The following CLMN variants were observed in gnomAD, a reference collection of about 807,000 sequenced individuals.
The protein encoded by CLMN is calmin, also known as calmin (calponin-like, transmembrane).
In CLMN, 57 loss-of-function variants were observed where a neutral mutation model predicts 92.7. That is an observed-to-expected ratio of 0.61 (90% CI 0.50 to 0.77). The LOEUF (loss-of-function observed/expected upper bound fraction) is 0.77, where lower values mean the gene tolerates loss of function less well. Among genes scored for constraint, CLMN ranks in the 30% least tolerant of loss-of-function variants. The pLI is 0.00. For missense variants in CLMN, 1,158 were observed against 1,237.5 expected, an observed-to-expected ratio of 0.94 and a Z score of 0.96; for synonymous variants, 466 against 470.6, an observed-to-expected ratio of 0.99 and a Z score of 0.13.
intron 1 of CLMN, among the ~76,000 whole-genome samples, chr14:95,296,662 C>T (rs1173478199): frequency 6.6e-6 from 1 of 152,160 alleles, no homozygotes; most frequent in Non-Finnish European, 1.5e-5. Flanking sequence ...TGTCACGCTG[C>T]CTGAAATGTT....
intron 1 of CLMN, among the ~76,000 whole-genome samples, chr14:95,311,276 A>G (rs956185440): frequency 6.6e-6 from 1 of 152,232 alleles, no homozygotes; most frequent in South Asian, 2.1e-4. Flanking sequence ...AGTATGTCAT[A>G]CCATAGAGGA....
rs149333283 is a variant in CLMN at position 95,270,770 on chromosome 14, T to G, written c.83-40637A>C. 3.4e-3 allele frequency among the ~76,000 whole-genome samples: 519 copies of G among 152,350 alleles called. 1 individual carries two copies. Among genetic ancestry groups the G allele is most frequent in the African/African-American group, 0.012 (492 of 41,578 alleles). ...CATGAATAATTCTGCCATGCTGCTA[T>G]AAACATTTGCATTCATTTTTTTTAC... On this transcript the variant is annotated intron_variant, in intron 1 of 12. Transcript: ENST00000298912.
At position 95,269,878 on chromosome 14, in the gene CLMN, C is replaced by A. The variant is rs2352993; in HGVS notation, c.83-39745G>T. On this transcript the variant is annotated intron_variant, in intron 1 of 12. Coordinates refer to ENST00000298912, the MANE Select transcript of CLMN (RefSeq NM_024734.4). ...CTGCACCTCACATGAGCTCCTCCCCCACCCCAATCCACAGGCTGGAGGTTG... is the reference window on the plus strand; with the variant it reads ...CTGCACCTCACATGAGCTCCTCCCCAACCCCAATCCACAGGCTGGAGGTTG... Among the ~76,000 whole-genome samples the A allele has an allele frequency of 8.5e-3, 1,288 of 152,306 alleles. 33 individuals carry two copies. The highest frequency in any genetic ancestry group is 0.08 in the South Asian group (386 of 4,826).
intron 1 of CLMN, among the ~76,000 whole-genome samples, chr14:95,289,276 A>G (rs534638387): frequency 8.5e-5 from 13 of 152,284 alleles, no homozygotes; most frequent in Admixed American, 2.6e-4. Flanking sequence ...AGATTGCCTG[A>G]GTTCAGGAGT....
intron 1 of CLMN, among the ~76,000 whole-genome samples, chr14:95,248,737 C>T (rs1898668998): frequency 6.6e-6 from 1 of 152,122 alleles, no homozygotes; most frequent in Non-Finnish European, 1.5e-5. Context: ...AGGGAAGAAT[C>T]CTGTCTTCAA....
In CLMN at chr14:95,203,131, A is replaced by C; in HGVS notation, c.2218T>G (p.Leu740Val). ...TCCGGGTCTTCTACATAAGCCTCCA[A>C]AACTGCAGCCAGGGGAACCTCATAG... ...PHYEVPLAAV[L>V]EAYVEDPEDL... The change falls in exon 9 of 13, where the codon TTG becomes GTG. Residue 740 changes from leucine to valine, a missense_variant. Coordinates refer to ENST00000298912, the MANE Select transcript of CLMN (RefSeq NM_024734.4). The C allele has an allele frequency of 6.2e-7, 1 of 1,613,078 alleles. No individual in the cohort carries two copies. Among genetic ancestry groups the C allele is most frequent in the Non-Finnish European group, 8.5e-7 (1 of 1,180,014 alleles).
intron 2 of CLMN, among the ~76,000 whole-genome samples, chr14:95,226,439 G>T (rs942991773): frequency 6.6e-6 from 1 of 152,116 alleles, no homozygotes; most frequent in African/African-American, 2.4e-5. Context: ...CCACAGAGAA[G>T]GAGGGATGAC....
At chr14:95,242,240 TTTTC>T (rs1898271303) in intron 1 of CLMN, among the ~76,000 whole-genome samples, 1 of 147,950 alleles carries the variant, frequency 6.8e-6, no homozygotes, top group South Asian at 2.1e-4. Flanking sequence ...TTCTTTTCTT[TTTTC>T]TTTTTCTTTT....
chr14:95,251,871 G>A (rs1202085758), intron 1 of CLMN, among the ~76,000 whole-genome samples: 1 of 152,170 alleles, frequency 6.6e-6, no homozygotes, highest in Non-Finnish European at 1.5e-5. Context: ...CATAGCTCCA[G>A]GCACAGGTTC....
At chr14:95,244,484 C>G in intron 1 of CLMN, among the ~76,000 whole-genome samples, 1 of 152,158 alleles carries the variant, frequency 6.6e-6, no homozygotes. Flanking sequence ...TGCCTCTGGT[C>G]AAACATTTCT....
chr14:95,233,358 T>C (rs1897949631), intron 1 of CLMN, among the ~76,000 whole-genome samples: 1 of 151,962 alleles, frequency 6.6e-6, no homozygotes, highest in South Asian at 2.1e-4. Context: ...CACCTACCCA[T>C]CCATCCATCC....
At position 95,196,600 on chromosome 14, in the gene CLMN, T is replaced by C. The variant is rs1896720609; in HGVS notation, c.2606A>G (p.Lys869Arg). ...SISSKKKEKR[K>R]HVDHVESSLF... ...TGAACTTTCTACGTGGTCCACATGT[T>C]TCCTTTTTTCCTTTTTTTTACTACT... is the stretch of plus-strand genomic sequence containing the variant. Residue 869 changes from lysine (K) to arginine (R), a missense_variant, in exon 10 of 13, where the codon AAA becomes AGA. Coordinates refer to ENST00000298912, the MANE Select transcript of CLMN (RefSeq NM_024734.4). The C allele has an allele frequency of 1.2e-6, 2 of 1,614,234 alleles. No homozygotes were observed. Among genetic ancestry groups the C allele is most frequent in the Non-Finnish European group, 1.7e-6 (2 of 1,180,036 alleles).
intron 10 of CLMN, among the ~76,000 whole-genome samples, chr14:95,195,253 C>T (rs780970839): frequency 6.6e-6 from 1 of 152,224 alleles, no homozygotes; most frequent in Non-Finnish European, 1.5e-5. Flanking sequence ...ATCCCCTGCA[C>T]TGTTTGTCCA....
intron 1 of CLMN, among the ~76,000 whole-genome samples, chr14:95,311,221 C>T (rs912621388): frequency 6.6e-6 from 1 of 152,134 alleles, no homozygotes; most frequent in African/African-American, 2.4e-5. Context: ...CCTCCCCACC[C>T]GCCGCCCCAG....
intron 1 of CLMN, among the ~76,000 whole-genome samples, chr14:95,237,399 A>T (rs147077025): frequency 4.1e-4 from 62 of 152,308 alleles, no homozygotes; most frequent in Middle Eastern, 3.4e-3. Context: ...CCCAGGGGTT[A>T]TGTGTGTGTG....
chr14:95,234,326 G>A (rs906049863), intron 1 of CLMN, among the ~76,000 whole-genome samples: 12 of 152,154 alleles, frequency 7.9e-5, no homozygotes, highest in Admixed American at 3.3e-4. Context: ...CTGGTGTCTC[G>A]ACACGAAGGT....
Position 95,191,906 on chromosome 14 carries a change from G to C in CLMN, c.2841-174C>G. 1.9e-6 allele frequency: 1 copy of C among 532,662 alleles called. No homozygotes were observed. The highest frequency in any genetic ancestry group is 3.2e-6 in the Non-Finnish European group (1 of 308,950). 33.0% of individuals were successfully genotyped at this position (532,662 alleles called of 1,614,324 possible). A position where few individuals can be genotyped will look rare whatever the true frequency, so the allele number is the denominator to read the frequency against. ...TGTGTGTACTGGCCCAAGGCAGTGC[G>C]TCGGGCCATCCAGGCAGCCCCTCGA... On this transcript the variant is annotated intron_variant, in intron 12 of 12. Transcript: ENST00000298912. The surrounding 1 kb of genome is among the most constrained non-coding windows in gnomAD (Gnocchi z 5.3).
intron 12 of CLMN, chr14:95,192,858 A>G (rs1896594526): frequency 6.5e-6 from 1 of 154,812 alleles, no homozygotes; most frequent in Non-Finnish European, 1.4e-5. Flanking sequence ...AACTGAAAAC[A>G]CGACTGCATT....
intron 1 of CLMN, among the ~76,000 whole-genome samples, chr14:95,247,438 T>C (rs757010714): frequency 6.6e-6 from 1 of 152,216 alleles, no homozygotes; most frequent in Non-Finnish European, 1.5e-5. Flanking sequence ...CATGGTGCCA[T>C]CAGGCATGAA....
Sources: allele counts gnomAD v4.1 joint callset (sites outside exome capture counted in the v4.1 genomes callset), GRCh38; gene constraint gnomAD v4.1.1; non-coding constraint Gnocchi (gnomAD v3.1); transcripts MANE v1.5; gene names NCBI Gene and HGNC (gene_info 2026-07-23, HGNC 2026-07-21).